Variants in SGCD observed in about 807,000 individuals in gnomAD.
SGCD encodes delta-sarcoglycan.
In SGCD, 18 loss-of-function variants were observed where a neutral mutation model predicts 36.6. The observed-to-expected ratio is 0.49, with a 90% confidence interval of 0.34 to 0.73. SGCD has a LOEUF of 0.73. Ranked by LOEUF, SGCD falls within the 30% of genes least tolerant of loss-of-function variation. The pLI is 0.01. For synonymous variants in SGCD, 133 were observed against 130.6 expected, an observed-to-expected ratio of 1.02 and a Z score of -0.12; for missense variants, 387 against 346.7, an observed-to-expected ratio of 1.12 and a Z score of -0.92.
chr5:155,799,919 A>G, the SGCD span, among the ~76,000 whole-genome samples: 5 of 148,488 alleles, frequency 3.4e-5, no homozygotes, highest in South Asian at 1.1e-3. Flanking sequence ...CCAAGGTTCA[A>G]GCTATTCTCC....
At chr5:155,973,402 C>T (rs149731030) in intron 1 of SGCD, among the ~76,000 whole-genome samples, 1 of 152,126 alleles carries the variant, frequency 6.6e-6, no homozygotes, top group East Asian at 1.9e-4. Flanking sequence ...GTGGCTAAGT[C>T]GTGCCAGCAC....
At chr5:156,714,764 C>T (rs963960565) in intron 7 of SGCD, among the ~76,000 whole-genome samples, 6 of 152,232 alleles carry the variant, frequency 3.9e-5, no homozygotes, top group African/African-American at 1.4e-4. Context: ...TTATTTGCTA[C>T]ATCATGTAGA....
intron 6 of SGCD, among the ~76,000 whole-genome samples, chr5:156,637,495 A>G (rs956138853): frequency 6.6e-6 from 1 of 152,150 alleles, no homozygotes; most frequent in Non-Finnish European, 1.5e-5. Flanking sequence ...TATTCAGATA[A>G]AAACACTGAA....
intron 7 of SGCD, among the ~76,000 whole-genome samples, chr5:156,683,480 C>A (rs1753794763): frequency 6.6e-6 from 1 of 152,122 alleles, no homozygotes; most frequent in African/African-American, 2.4e-5. Context: ...CATGGTTAAT[C>A]CTAAGAGAAG....
At chr5:155,937,338 G>C (rs1434740692) in intron 1 of SGCD, among the ~76,000 whole-genome samples, 1 of 152,214 alleles carries the variant, frequency 6.6e-6, no homozygotes, top group East Asian at 1.9e-4. Flanking sequence ...GTCACATATT[G>C]AAGCGGTGCT....
chr5:156,333,783 A>ATTTTTTTTTTTTTTTTTTTTT lies in SGCD; in HGVS notation c.3+4221_3+4241dup, dbSNP rs70984404. ...GTGCTTTCTTTATGTTAGAAAAGTGATTTTTTTTTTTTTTTTTTTTTTTTT... is the reference window on the plus strand; with the variant it reads ...GTGCTTTCTTTATGTTAGAAAAGTGATTTTTTTTTTTTTTTTTTTTTTTTTTTTTTTTTTTTTTTTTTTTTT... On this transcript the variant is annotated intron_variant, in intron 2 of 8. Transcript: ENST00000337851. Among the ~76,000 whole-genome samples the ATTTTTTTTTTTTTTTTTTTTT allele has an allele frequency of 1.1e-3, 21 of 19,966 alleles. 8 individuals are homozygous for ATTTTTTTTTTTTTTTTTTTTT. The highest frequency in any genetic ancestry group is 1.4e-3 in the Non-Finnish European group (15 of 10,476). 13.1% of individuals were successfully genotyped at this position (19,966 alleles called of 152,430 possible).
At chr5:155,964,895 C>G (rs1270487664) in intron 1 of SGCD, among the ~76,000 whole-genome samples, 2 of 152,080 alleles carry the variant, frequency 1.3e-5, no homozygotes, top group Admixed American at 1.3e-4. Context: ...TCCACTTGCC[C>G]CAGCTATTTG....
chr5:156,572,733 T>C (rs1016053302), intron 4 of SGCD, among the ~76,000 whole-genome samples: 3 of 152,190 alleles, frequency 2.0e-5, no homozygotes, highest in Non-Finnish European at 4.4e-5. Context: ...ACATACTAAT[T>C]GAAGCAATCA....
intron 1 of SGCD, among the ~76,000 whole-genome samples, chr5:155,988,194 T>A (rs79682701): frequency 3.3e-5 from 5 of 152,306 alleles, no homozygotes; most frequent in Admixed American, 3.3e-4. Flanking sequence ...CCTTTTTTTT[T>A]ATTCCTGTGT....
chr5:155,970,449 CTA>C (rs1440923262), intron 1 of SGCD, among the ~76,000 whole-genome samples: 4 of 152,050 alleles, frequency 2.6e-5, no homozygotes, highest in African/African-American at 9.7e-5. Flanking sequence ...TTCTAAGGTG[CTA>C]GAGTTGTAGC....
At chr5:156,073,945 A>G (rs1186769037) in intron 1 of SGCD, among the ~76,000 whole-genome samples, 1 of 152,200 alleles carries the variant, frequency 6.6e-6, no homozygotes, top group Non-Finnish European at 1.5e-5. Context: ...GAGAGGAGCC[A>G]TTTCATGGAA....
rs566574386 is a variant in SGCD at position 156,056,390 on chromosome 5, A to G, written c.-281-61488A>G. Among the ~76,000 whole-genome samples, 65 of 145,436 alleles carry G rather than the reference A, an allele frequency of 4.5e-4. 7 individuals carry two copies. The South Asian group carries it at 0.012, about 28-fold the overall frequency. On this transcript the variant is annotated intron_variant, in intron 1 of 9. Transcript: ENST00000517913. ...TGCAGCCAGGGGCCACAAGATTCCA[A>G]ACTTCTCCAGTTGTTCCTATGAATA...
intron 3 of SGCD, among the ~76,000 whole-genome samples, chr5:156,399,761 C>T (rs1330366897): frequency 4.6e-5 from 7 of 152,166 alleles, no homozygotes; most frequent in Non-Finnish European, 7.4e-5. Context: ...ATTCTCTACA[C>T]GTTCATTGTT....
chr5:156,398,407 A>G (rs935353217), intron 3 of SGCD, among the ~76,000 whole-genome samples: 2 of 152,228 alleles, frequency 1.3e-5, no homozygotes, highest in Non-Finnish European at 2.9e-5. Context: ...CAATTGAATG[A>G]AATGATCTAT....
intron 7 of SGCD, among the ~76,000 whole-genome samples, chr5:156,674,717 G>A (rs772909252): frequency 6.6e-6 from 1 of 152,146 alleles, no homozygotes; most frequent in African/African-American, 2.4e-5. Flanking sequence ...CAGGAACCTC[G>A]CATTAAGTTA....
At chr5:156,545,179 A>G (rs1017910446) in intron 4 of SGCD, among the ~76,000 whole-genome samples, 3 of 152,094 alleles carry the variant, frequency 2.0e-5, no homozygotes, top group Non-Finnish European at 2.9e-5. Context: ...TAAGACTTGT[A>G]TGTGTTTTCA....
intron 3 of SGCD, among the ~76,000 whole-genome samples, chr5:156,157,303 A>T (rs968974702): frequency 6.6e-6 from 1 of 151,762 alleles, no homozygotes; most frequent in Non-Finnish European, 1.5e-5. Context: ...GGGCATGAGT[A>T]TTACTTTCAC....
At chr5:156,397,436 A>G (rs1771918605) in intron 3 of SGCD, among the ~76,000 whole-genome samples, 1 of 152,206 alleles carries the variant, frequency 6.6e-6, no homozygotes, top group Non-Finnish European at 1.5e-5. Context: ...TTTGACCCAC[A>G]GGCTCTGGCT....
At chr5:156,737,929 T>C (rs1328701910) in intron 7 of SGCD, among the ~76,000 whole-genome samples, 2 of 152,184 alleles carry the variant, frequency 1.3e-5, no homozygotes, top group African/African-American at 2.4e-5. Flanking sequence ...CAGAGCTCCT[T>C]CTATGATGCA....
Sources: allele counts gnomAD v4.1 joint callset (sites outside exome capture counted in the v4.1 genomes callset), GRCh38; gene constraint gnomAD v4.1.1; transcripts MANE v1.5; gene names NCBI Gene and HGNC (gene_info 2026-07-23, HGNC 2026-07-21).